The following GOLM2 variants were observed in gnomAD, a reference collection of about 807,000 sequenced individuals.
GOLM2 encodes the protein golgi membrane protein 2.
A neutral mutation model predicts 55.9 loss-of-function variants in GOLM2; 26 were observed. The observed-to-expected ratio is 0.47, with a 90% CI of 0.34 to 0.65. The LOEUF (loss-of-function observed/expected upper bound fraction) is 0.65. GOLM2 is among the 30% of genes least tolerant of loss of function. GOLM2 has a pLI of 0.01. For missense variants in GOLM2, 486 were observed against 531.8 expected (o/e 0.91, Z 0.85); for synonymous variants, 165 against 194.6 (o/e 0.85, Z 1.27).
chr15:44,341,041 A>C (rs1318025127), intron 6 of GOLM2, among the ~76,000 whole-genome samples: 1 of 148,090 alleles, frequency 6.8e-6, no homozygotes, highest in Non-Finnish European at 1.5e-5. Flanking sequence ...AATATATATA[A>C]TTTTTGACCT....
chr15:44,299,926 C>CAA (rs1009141482), intron 1 of GOLM2, among the ~76,000 whole-genome samples: 21 of 11,520 alleles, frequency 1.8e-3, no homozygotes, highest in South Asian at 4.1e-3. Context: ...GGCAACATAG[C>CAA]AAAAAAAAAA....
In GOLM2 at chr15:44,328,692, T is replaced by G; in HGVS notation, c.390T>G (p.Leu130=). 1 of 1,612,638 alleles carries G rather than the reference T, an allele frequency of 6.2e-7. No individual in the cohort carries two copies. Among genetic ancestry groups the G allele is most frequent in the African/African-American group, 1.3e-5 (1 of 74,962 alleles). ...MADIHHLKEQ[L]AELRQEFLRQ... Reference sequence around the variant, plus strand: ...CTTACCTTGGGTGGATAGAGCAACTTGCTGAGCTTCGTCAGGAATTTCTTC... The same window carrying G: ...CTTACCTTGGGTGGATAGAGCAACTGGCTGAGCTTCGTCAGGAATTTCTTC... The change falls in exon 3 of 10, where the codon CTT becomes CTG. Residue 130 remains leucine (L), a synonymous_variant. Transcript: ENST00000299957.
chr15:44,323,099 T>A, intron 2 of GOLM2, 80 bp downstream of exon 2: 1 of 922,482 alleles, frequency 1.1e-6, no homozygotes, highest in East Asian at 2.7e-5. Context: ...AAATAGTAAA[T>A]TAGCCTAGTG....
intron 6 of GOLM2, among the ~76,000 whole-genome samples, chr15:44,369,693 TACAC>T (rs3986148): frequency 0.031 from 4,504 of 143,562 alleles, 78 homozygotes; most frequent in South Asian, 0.054. Flanking sequence ...TATATATGCA[TACAC>T]ACACACACAC....
Position 44,403,004 on chromosome 15 carries a change from T to A in GOLM2, c.1190T>A (p.Leu397Gln). The A allele has an allele frequency of 1.9e-6, 3 of 1,614,088 alleles. No individual in the cohort carries two copies. The highest frequency in any genetic ancestry group is 2.5e-6 in the Non-Finnish European group (3 of 1,180,020). Reference protein sequence around the residue: ...GEYEADKQAELAYNEEEDGDG... With the variant: ...GEYEADKQAEQAYNEEEDGDG... ...TATGAGGCAGACAAGCAGGCTGAGC[T>A]GGCTTACAATGAGGAAGAAGATGGT... The change falls in exon 9 of 10, where the codon CTG becomes CAG. Residue 397 changes from leucine (L) to glutamine (Q), a missense_variant. Leu to Gln is a moderately radical substitution (Grantham distance 113). Coordinates refer to ENST00000299957, the MANE Select transcript of GOLM2 (RefSeq NM_138423.4).
intron 8 of GOLM2, among the ~76,000 whole-genome samples, chr15:44,387,658 A>G (rs1453914983): frequency 2.0e-5 from 3 of 152,020 alleles, no homozygotes; most frequent in African/African-American, 4.8e-5. Flanking sequence ...GCTACTTGGG[A>G]GGCTGAGACA....
chr15:44,330,995 G>T (rs1021961304), intron 3 of GOLM2, among the ~76,000 whole-genome samples: 5 of 151,934 alleles, frequency 3.3e-5, no homozygotes, highest in African/African-American at 9.7e-5. Context: ...GAAGTTGGTG[G>T]GTTTTTTTGT....
intron 4 of GOLM2, among the ~76,000 whole-genome samples, chr15:44,335,228 A>C (rs2079048782): frequency 6.6e-6 from 1 of 152,148 alleles, no homozygotes; most frequent in East Asian, 1.9e-4. Flanking sequence ...ACAGGATTTT[A>C]ACATTAGGGA....
chr15:44,395,341 A>G (rs1253444722), intron 8 of GOLM2, among the ~76,000 whole-genome samples: 1 of 151,952 alleles, frequency 6.6e-6, no homozygotes, highest in Non-Finnish European at 1.5e-5. Flanking sequence ...AATAGTTGAG[A>G]AATTGAAACC....
rs2079574533 is a variant in GOLM2, at chr15:44,402,875, C to T, written c.1073-12C>T. 5 of 1,613,052 alleles carry T rather than the reference C, an allele frequency of 3.1e-6. No homozygotes were observed. The highest frequency in any genetic ancestry group is 4.2e-6 in the Non-Finnish European group (5 of 1,179,560). ...TCTTTACTCTTGAATTAATCCTCTACCTACTTCACAGGCCGATTCTTTGAT... is the reference window on the plus strand; with the variant it reads ...TCTTTACTCTTGAATTAATCCTCTATCTACTTCACAGGCCGATTCTTTGAT... On this transcript the variant is annotated splice_polypyrimidine_tract_variant and intron_variant, in intron 8 of 9. Coordinates refer to ENST00000299957, the MANE Select transcript of GOLM2 (RefSeq NM_138423.4).
At chr15:44,391,293 T>C (rs1302337447) in intron 8 of GOLM2, among the ~76,000 whole-genome samples, 1 of 151,848 alleles carries the variant, frequency 6.6e-6, no homozygotes, top group Non-Finnish European at 1.5e-5. Context: ...GGCGGGCAGA[T>C]CACGAGGTCG....
Position 44,414,564 on chromosome 15 carries a change from G to T in GOLM2, c.*1158G>T, listed in dbSNP as rs2079661061. ...GATTTAAACACCAGATCCTGAAAGG[G>T]GTTAAATCTACTTTGAAATGAATCT... On this transcript the variant is annotated 3_prime_UTR_variant, in exon 10 of 10. Coordinates refer to ENST00000299957, the MANE Select transcript of GOLM2 (RefSeq NM_138423.4). 6.6e-6 allele frequency: 1 copy of T among 152,026 alleles called. No individual in the cohort carries two copies. Among genetic ancestry groups the T allele is most frequent in the African/African-American group, 2.4e-5 (1 of 41,390 alleles). 9.4% of individuals were successfully genotyped at this position (152,026 alleles called of 1,614,324 possible). A position where few individuals can be genotyped will look rare whatever the true frequency, so the allele number is the denominator to read the frequency against.
chr15:44,384,845 G>C (rs1283451206), intron 8 of GOLM2, among the ~76,000 whole-genome samples: 1 of 151,344 alleles, frequency 6.6e-6, no homozygotes, highest in African/African-American at 2.4e-5. Context: ...GGAGTTGGAG[G>C]TTGCAGTGAG....
At chr15:44,345,947 G>C (rs1290827325) in intron 6 of GOLM2, 1 of 151,868 alleles carries the variant, frequency 6.6e-6, no homozygotes, top group Admixed American at 6.6e-5. Flanking sequence ...TGTTGTCCAG[G>C]CTGAAGTATA....
At chr15:44,363,937 G>A (rs1406941194) in intron 6 of GOLM2, among the ~76,000 whole-genome samples, 6 of 151,880 alleles carry the variant, frequency 4.0e-5, no homozygotes, top group South Asian at 2.1e-4. Context: ...GTAAACTATC[G>A]CAAGAACAAA....
At chr15:44,337,941 A>G in intron 5 of GOLM2, 34 bp downstream of exon 5, 1 of 1,547,024 alleles carries the variant, frequency 6.5e-7, no homozygotes, top group Non-Finnish European at 8.7e-7. Context: ...TTTTGTATTA[A>G]TAGGATATTG....
chr15:44,355,780 C>T, intron 6 of GOLM2: 1 of 155,024 alleles, frequency 6.5e-6, no homozygotes, highest in Non-Finnish European at 1.4e-5. Flanking sequence ...CACTCCGTCC[C>T]CCACCACACC....
intron 1 of GOLM2, among the ~76,000 whole-genome samples, chr15:44,319,057 G>T (rs965660138): frequency 2.0e-5 from 3 of 152,212 alleles, no homozygotes; most frequent in South Asian, 4.1e-4. Context: ...CTCCATGAAG[G>T]CTGTATTAAA....
rs58317520 is a variant in GOLM2 at position 44,369,067 on chromosome 15, TTATATATATATATA to T, written c.803-10586_803-10573del. On this transcript the variant is annotated intron_variant, in intron 6 of 9. Transcript: ENST00000299957. Reference sequence around the variant, plus strand: ...AGATATATACATATAATAGGATATATTATATATATATATATATATATATATATATATATATATAT... The same window carrying T: ...AGATATATACATATAATAGGATATATTATATATATATATATATATATATAT... 4.7e-3 allele frequency among the ~76,000 whole-genome samples: 108 copies of T among 22,974 alleles called. 4 individuals are homozygous for T. Among genetic ancestry groups the T allele is most frequent in the South Asian group, 0.017 (9 of 534 alleles). The allele number at this position is 22,974 out of a possible 152,430, so 15.1% of individuals were successfully genotyped here. A position where few individuals can be genotyped will look rare whatever the true frequency, so the allele number is the denominator to read the frequency against.
Sources: gnomAD v4.1 joint callset for allele counts (sites outside exome capture counted in the v4.1 genomes callset) on GRCh38, gnomAD v4.1.1 for gene constraint, MANE v1.5 for transcripts, NCBI Gene and HGNC (gene_info 2026-07-23, HGNC 2026-07-21) for gene names.